DLGAP2: variants seen among roughly 807,000 people sequenced by gnomAD.
The protein encoded by DLGAP2 is disks large-associated protein 2.
In DLGAP2, 26 loss-of-function variants were observed where a neutral mutation model predicts 100.3. That is an observed-to-expected ratio of 0.26 (90% CI 0.19 to 0.36). The LOEUF is 0.36. DLGAP2 is among the 10% of genes least tolerant of loss of function. The pLI is 1.00. For synonymous variants in DLGAP2, 886 were observed against 630.1 expected, an observed-to-expected ratio of 1.41 and a Z score of -6.08; for missense variants, 1,858 against 1,453.2, an observed-to-expected ratio of 1.28 and a Z score of -4.53.
At chr8:1,253,854 G>T (rs1473911622) in intron 2 of DLGAP2, among the ~76,000 whole-genome samples, 1 of 152,222 alleles carries the variant, frequency 6.6e-6, no homozygotes, top group Non-Finnish European at 1.5e-5. Flanking sequence ...AGAATTCATT[G>T]AAAGGGTCCG....
chr8:998,613 T>C (rs1245447928), intron 2 of DLGAP2, among the ~76,000 whole-genome samples: 2 of 152,204 alleles, frequency 1.3e-5, no homozygotes, highest in African/African-American at 4.8e-5. Flanking sequence ...TCATCTTTTT[T>C]ACTTTGATCT....
intron 1 of DLGAP2, among the ~76,000 whole-genome samples, chr8:808,179 C>A (rs909859254): frequency 6.6e-6 from 1 of 152,144 alleles, no homozygotes; most frequent in African/African-American, 2.4e-5. Context: ...TGACACGAGG[C>A]CTCTGATTTC....
intron 1 of DLGAP2, among the ~76,000 whole-genome samples, chr8:839,955 C>T (rs924507249): frequency 5.3e-5 from 8 of 151,754 alleles, no homozygotes; most frequent in South Asian, 4.2e-4. Context: ...TGCATGTCTC[C>T]GTACACTCTG....
intron 2 of DLGAP2, among the ~76,000 whole-genome samples, chr8:1,186,239 C>A (rs534019190): frequency 6.6e-6 from 1 of 152,268 alleles, no homozygotes; most frequent in African/African-American, 2.4e-5. Context: ...GCCCTAGCAG[C>A]AGCTATGCTG....
chr8:1,434,722 G>A (rs894919450), intron 3 of DLGAP2, among the ~76,000 whole-genome samples: 3 of 152,170 alleles, frequency 2.0e-5, no homozygotes, highest in Admixed American at 1.3e-4. Context: ...CAATCTTCCA[G>A]CCTTTGTCTT....
chr8:1,060,118 A>G (rs1436296187), intron 2 of DLGAP2, among the ~76,000 whole-genome samples: 1 of 152,104 alleles, frequency 6.6e-6, no homozygotes, highest in Non-Finnish European at 1.5e-5. Context: ...TCAGATGTGA[A>G]CCACGGAGTG....
At chr8:1,160,780 G>A (rs898827734) in intron 2 of DLGAP2, among the ~76,000 whole-genome samples, 2 of 152,196 alleles carry the variant, frequency 1.3e-5, no homozygotes, top group African/African-American at 4.8e-5. Flanking sequence ...GGCGAGGAAG[G>A]CGAGGAAGCC....
chr8:1,426,802 TAAGTAA>T (rs1255188838), intron 3 of DLGAP2, among the ~76,000 whole-genome samples: 2 of 152,150 alleles, frequency 1.3e-5, no homozygotes, highest in Admixed American at 1.3e-4. Context: ...ATCTCATGTC[TAAGTAA>T]ATTAGTCGTA....
intron 1 of DLGAP2, among the ~76,000 whole-genome samples, chr8:761,115 G>A (rs73673009): frequency 0.014 from 2,105 of 152,222 alleles, 46 homozygotes; most frequent in African/African-American, 0.049. Context: ...TGTCCCTTTC[G>A]TCTCTGCCCG....
chr8:1,047,449 T>G (rs2129032057), intron 2 of DLGAP2, among the ~76,000 whole-genome samples: 1 of 152,342 alleles, frequency 6.6e-6, no homozygotes, highest in Middle Eastern at 3.4e-3. Context: ...AGTGAGCATT[T>G]CCTTTGAGCA....
intron 2 of DLGAP2, among the ~76,000 whole-genome samples, chr8:1,243,828 A>G (rs1397238306): frequency 2.6e-5 from 4 of 152,136 alleles, no homozygotes; most frequent in Admixed American, 1.3e-4. Context: ...ATTTACTTAT[A>G]TAACTCCTTT....
chr8:1,020,227 T>C (rs17065567), intron 2 of DLGAP2, among the ~76,000 whole-genome samples: 6,002 of 152,330 alleles, frequency 0.039, 339 homozygotes, highest in African/African-American at 0.13. Context: ...TAAAAAGTTT[T>C]CAGCTCCAGA....
At chr8:821,585 A>G (rs1394419423) in intron 1 of DLGAP2, among the ~76,000 whole-genome samples, 2 of 152,246 alleles carry the variant, frequency 1.3e-5, no homozygotes, top group African/African-American at 2.4e-5. Flanking sequence ...ATCTGGGTAC[A>G]TAGCATTTTT....
chr8:1,553,723 G>T (rs375406398), intron 5 of DLGAP2, among the ~76,000 whole-genome samples: 2 of 152,078 alleles, frequency 1.3e-5, no homozygotes, highest in East Asian at 1.9e-4. Context: ...TTCGCTGAAG[G>T]ACGTGTTGCG....
intron 2 of DLGAP2, among the ~76,000 whole-genome samples, chr8:1,081,307 G>A (rs1803800343): frequency 6.6e-6 from 1 of 152,192 alleles, no homozygotes; most frequent in Admixed American, 6.5e-5. Context: ...ATTACTATTT[G>A]TGTTGCTAAA....
intron 3 of DLGAP2, among the ~76,000 whole-genome samples, chr8:1,494,262 T>C (rs1799480645): frequency 6.6e-6 from 1 of 152,268 alleles, no homozygotes; most frequent in Non-Finnish European, 1.5e-5. Flanking sequence ...TTCTAATACT[T>C]TGAAGGCTTA....
intron 1 of DLGAP2, among the ~76,000 whole-genome samples, chr8:829,423 C>G (rs1294861357): frequency 1.3e-5 from 2 of 152,112 alleles, no homozygotes; most frequent in Non-Finnish European, 1.5e-5. Context: ...ACCAGGCCTT[C>G]TGGGTATGGG....
At chr8:1,037,120 C>T (rs147863659) in intron 2 of DLGAP2, among the ~76,000 whole-genome samples, 15 of 152,198 alleles carry the variant, frequency 9.9e-5, no homozygotes, top group Admixed American at 7.2e-4. Flanking sequence ...CCCATGGTCA[C>T]GTAGAGAGAG....
rs188699895 is a variant in DLGAP2, at chr8:1,500,139, G to A, written c.107-1227G>A. Among the ~76,000 whole-genome samples the A allele has an allele frequency of 8.9e-4, 136 of 152,344 alleles. 1 individual carries two copies. Among genetic ancestry groups the A allele is most frequent in the South Asian group, 3.5e-3 (17 of 4,826 alleles). On this transcript the variant is annotated intron_variant, in intron 3 of 14. Transcript: ENST00000637795. ...AAAATGGTGACAAAGATGTGTGTAC[G>A]CACATGTGTCATCATTCTGATACCC...
Sources: allele counts gnomAD v4.1 joint callset (sites outside exome capture counted in the v4.1 genomes callset), GRCh38; gene constraint gnomAD v4.1.1; transcripts MANE v1.5; gene names NCBI Gene and HGNC (gene_info 2026-07-23, HGNC 2026-07-21).